MRTFA: variants seen among roughly 807,000 people sequenced by gnomAD.
MRTFA encodes the protein myocardin related transcription factor A.
MRTFA carries 20 observed loss-of-function variants against 83.5 expected under a neutral mutation model. That is an observed-to-expected ratio of 0.24 (90% CI 0.17 to 0.35). The LOEUF is 0.35. MRTFA is among the 10% of genes least tolerant of loss of function. The pLI is 1.00. For synonymous variants in MRTFA, 659 were observed against 541.2 expected, an observed-to-expected ratio of 1.22 and a Z score of -3.02; for missense variants, 1,200 against 1,224.7, an observed-to-expected ratio of 0.98 and a Z score of 0.30.
chr22:40,604,281 C>A (rs2056293364), intron 1 of MRTFA, among the ~76,000 whole-genome samples: 1 of 151,872 alleles, frequency 6.6e-6, no homozygotes, highest in African/African-American at 2.4e-5. Flanking sequence ...CAGGCGCCCG[C>A]CACCACACCT....
At position 40,582,927 on chromosome 22, in the gene MRTFA, G is replaced by A. The variant is rs148480386; in HGVS notation, c.-22+11747C>T. The stretch of plus-strand genomic sequence containing the variant: ...AATCTGGCCAGGAGTACACAGGGGT[G>A]AGCTGAACAGTGCCCTCAGGTACTG... On this transcript the variant is annotated intron_variant, in intron 2 of 14. Transcript: ENST00000355630. Among the ~76,000 whole-genome samples, 725 of 152,312 alleles carry A rather than the reference G, an allele frequency of 4.8e-3. 5 individuals are homozygous for A. The highest frequency in any genetic ancestry group is 0.016 in the African/African-American group (682 of 41,572).
At chr22:40,623,165 C>A (rs1394386922) in intron 1 of MRTFA, among the ~76,000 whole-genome samples, 1 of 152,144 alleles carries the variant, frequency 6.6e-6, no homozygotes, top group East Asian at 1.9e-4. Flanking sequence ...GTACTATGTT[C>A]TTATAATTTA....
chr22:40,532,307 A>G (rs150908087), intron 3 of MRTFA, among the ~76,000 whole-genome samples: 7 of 152,234 alleles, frequency 4.6e-5, no homozygotes, highest in Non-Finnish European at 8.8e-5. Context: ...AGAGAGTTCA[A>G]ATGCTAAAAT....
At chr22:40,436,604 C>T (rs1022720528) in intron 4 of MRTFA, among the ~76,000 whole-genome samples, 5 of 152,178 alleles carry the variant, frequency 3.3e-5, no homozygotes, top group African/African-American at 1.2e-4. Context: ...TCCAGAAAGG[C>T]TGCACCATGA....
chr22:40,565,832 A>G (rs938827052), intron 2 of MRTFA, among the ~76,000 whole-genome samples: 2 of 152,244 alleles, frequency 1.3e-5, no homozygotes, highest in Admixed American at 1.3e-4. Flanking sequence ...TATCCGAAAG[A>G]GACTTGTATA....
At chr22:40,469,820 A>G (rs2053868890) in intron 3 of MRTFA, among the ~76,000 whole-genome samples, 1 of 152,168 alleles carries the variant, frequency 6.6e-6, no homozygotes, top group Non-Finnish European at 1.5e-5. Context: ...GCTCACACCT[A>G]CAACCCCAGC....
At chr22:40,540,799 A>C (rs887353974) in intron 3 of MRTFA, among the ~76,000 whole-genome samples, 5 of 143,338 alleles carry the variant, frequency 3.5e-5, no homozygotes, top group African/African-American at 1.0e-4. Context: ...AAAAAAAACC[A>C]AAAACATACA....
At chr22:40,539,339 ATTT>A (rs567459121) in intron 3 of MRTFA, among the ~76,000 whole-genome samples, 9 of 129,552 alleles carry the variant, frequency 6.9e-5, no homozygotes, top group East Asian at 6.8e-4. Context: ...GTTATTAACA[ATTT>A]TTTTTTTTTT....
rs968643035 is a variant in MRTFA, at chr22:40,597,465, T to C, written c.-83-2730A>G. ...AATTCAGTTGATAATTTAAATATTATGGTTGGTGATCTTTCTTACTAAAAC... is the reference window on the plus strand; with the variant it reads ...AATTCAGTTGATAATTTAAATATTACGGTTGGTGATCTTTCTTACTAAAAC... On this transcript the variant is annotated intron_variant, in intron 1 of 14. Transcript: ENST00000355630. Among the ~76,000 whole-genome samples, 17 of 152,220 alleles carry C rather than the reference T, an allele frequency of 1.1e-4. 2 individuals carry two copies. Among genetic ancestry groups the C allele is most frequent in the Admixed American group, 9.8e-4 (15 of 15,286 alleles).
At chr22:40,431,576 G>GGTC in intron 5 of MRTFA, 96 bp from the exon 6 acceptor site, 1 of 1,143,832 alleles carries the variant, frequency 8.7e-7, no homozygotes, top group South Asian at 1.3e-5. Flanking sequence ...GGTAGCTGCT[G>GGTC]ACCACCTCTG....
At chr22:40,536,027 A>T (rs1398310256) in intron 3 of MRTFA, among the ~76,000 whole-genome samples, 9 of 152,194 alleles carry the variant, frequency 5.9e-5, no homozygotes, top group Non-Finnish European at 1.2e-4. Flanking sequence ...TCTTTAAAAA[A>T]TTAAACAAGA....
At position 40,411,518 on chromosome 22, in the gene MRTFA, A is replaced by G; in HGVS notation, c.2968T>C (p.Trp990Arg). Residue 990 changes from tryptophan to arginine, a missense_variant, in exon 15 of 15, where the codon TGG (tryptophan) becomes CGG (arginine). This residue lies in a region of MRTFA where 1,107 missense variants were observed against 1,041.8 expected (regional missense o/e 1.06). Coordinates refer to ENST00000355630, the MANE Select transcript of MRTFA (RefSeq NM_020831.6). ...GGACCACCTGACGACAGCTCCAGCC[A>G]GTCCATGCTGTCCAGGTGGCCATCA... is the stretch of plus-strand genomic sequence containing the variant. 1 of 1,612,962 alleles carries G rather than the reference A, an allele frequency of 6.2e-7. No homozygotes were observed. The highest frequency in any genetic ancestry group is 1.1e-5 in the South Asian group (1 of 91,010).
intron 3 of MRTFA, among the ~76,000 whole-genome samples, chr22:40,465,495 C>A (rs1467113204): frequency 6.6e-6 from 1 of 152,156 alleles, no homozygotes; most frequent in African/African-American, 2.4e-5. Flanking sequence ...GTACTCTGTG[C>A]CAGACACTGT....
intron 1 of MRTFA, among the ~76,000 whole-genome samples, chr22:40,628,846 T>A (rs894426703): frequency 2.6e-5 from 4 of 152,116 alleles, no homozygotes; most frequent in African/African-American, 9.7e-5. Flanking sequence ...GAACTGGACT[T>A]GAGTCATGAA....
chr22:40,457,636 CA>C (rs1040358988), intron 4 of MRTFA, among the ~76,000 whole-genome samples: 7 of 152,180 alleles, frequency 4.6e-5, no homozygotes, highest in African/African-American at 1.7e-4. Flanking sequence ...ATGAAAAAAA[CA>C]AGCTCTGTCA....
chr22:40,594,472 A>G (rs766052118), intron 2 of MRTFA, among the ~76,000 whole-genome samples: 1 of 152,166 alleles, frequency 6.6e-6, no homozygotes, highest in Non-Finnish European at 1.5e-5. Context: ...AGCATTCTCT[A>G]CATTCTAATG....
At chr22:40,524,314 A>G (rs2054922976) in intron 3 of MRTFA, among the ~76,000 whole-genome samples, 1 of 152,184 alleles carries the variant, frequency 6.6e-6, no homozygotes. Context: ...AAGCTACACA[A>G]AAAAATAATT....
rs980630584 is a variant in MRTFA at position 40,454,063 on chromosome 22, T to A, written c.307+9158A>T. Among the ~76,000 whole-genome samples, 5 of 152,226 alleles carry A rather than the reference T, an allele frequency of 3.3e-5. 1 individual carries two copies. Among genetic ancestry groups the A allele is most frequent in the Non-Finnish European group, 7.3e-5 (5 of 68,040 alleles). On this transcript the variant is annotated intron_variant, in intron 4 of 14. Coordinates refer to ENST00000355630, the MANE Select transcript of MRTFA (RefSeq NM_020831.6). ...TTGATTTCTAACAATTTATAGCAAT[T>A]GTCTTTTAATCCACTGATAGGAAAG...
chr22:40,472,506 C>T (rs1344588330), intron 3 of MRTFA, among the ~76,000 whole-genome samples: 1 of 152,126 alleles, frequency 6.6e-6, no homozygotes, highest in East Asian at 1.9e-4. Flanking sequence ...TGACAATAAA[C>T]ATGTTATTAT....
Sources: allele counts gnomAD v4.1 joint callset (sites outside exome capture counted in the v4.1 genomes callset), GRCh38; gene constraint gnomAD v4.1.1; regional missense constraint gnomAD v4.1.1; transcripts MANE v1.5; gene names NCBI Gene and HGNC (gene_info 2026-07-23, HGNC 2026-07-21).